The following NFKB1 variants were observed in gnomAD, a reference collection of about 807,000 sequenced individuals.
The protein encoded by NFKB1 is nuclear factor NF-kappa-B p105 subunit.
In NFKB1, 9 loss-of-function variants were observed where a neutral mutation model predicts 105.1. The observed-to-expected ratio is 0.09, with a 90% CI of 0.05 to 0.15. NFKB1 has a LOEUF of 0.15. Among genes scored for constraint, NFKB1 ranks in the 10% least tolerant of loss-of-function variants. The probability of loss-of-function intolerance (pLI) is 1.00; values close to 1 mark genes in which losing one functional copy is unlikely to be tolerated. For missense variants in NFKB1, 830 were observed against 1,203.7 expected (o/e 0.69, Z 4.59); for synonymous variants, 440 against 442.2 (o/e 1.00, Z 0.06).
At chr4:102,561,086 T>C (rs1723385796) in intron 5 of NFKB1, among the ~76,000 whole-genome samples, 1 of 152,208 alleles carries the variant, frequency 6.6e-6, no homozygotes, top group Non-Finnish European at 1.5e-5. Flanking sequence ...TTACTAAGCA[T>C]CTTTTTATGC....
intron 1 of NFKB1, among the ~76,000 whole-genome samples, chr4:102,520,920 C>T (rs543049439): frequency 4.6e-4 from 70 of 152,000 alleles, no homozygotes; most frequent in Non-Finnish European, 6.2e-4. Context: ...TTAAATTTTT[C>T]CTTTTTCCTA....
At position 102,607,255 on chromosome 4, in the gene NFKB1, G is replaced by T; in HGVS notation, c.2060G>T (p.Arg687Leu). 6.2e-7 allele frequency: 1 copy of T among 1,614,230 alleles called. No individual in the cohort carries two copies. The highest frequency in any genetic ancestry group is 1.1e-5 in the South Asian group (1 of 91,088). ...DVNAQEQKSG[R>L]TALHLAVEHD... Reference sequence around the variant, plus strand: ...AATGCTCAGGAGCAGAAGTCCGGGCGCACAGCACTGCACCTGGCTGTGGAG... The same window carrying T: ...AATGCTCAGGAGCAGAAGTCCGGGCTCACAGCACTGCACCTGGCTGTGGAG... Residue 687 changes from arginine to leucine, a missense_variant, in exon 18 of 24, where the codon CGC becomes CTC. Physicochemically the swap from Arg to Leu is moderately radical, Grantham distance 102. Transcript: ENST00000226574.
At chr4:102,532,508 A>G (rs947822505) in intron 3 of NFKB1, among the ~76,000 whole-genome samples, 5 of 152,134 alleles carry the variant, frequency 3.3e-5, no homozygotes, top group African/African-American at 1.2e-4. Context: ...AGGCGCCTGT[A>G]ATTCCAGCTC....
intron 1 of NFKB1, among the ~76,000 whole-genome samples, chr4:102,507,363 G>A (rs1739487924): frequency 6.6e-6 from 1 of 152,118 alleles, no homozygotes; most frequent in Non-Finnish European, 1.5e-5. Context: ...TAATCCTTAC[G>A]CTACTAGTAG....
intron 15 of NFKB1, among the ~76,000 whole-genome samples, chr4:102,599,369 T>C (rs1430005639): frequency 1.3e-5 from 2 of 152,218 alleles, no homozygotes; most frequent in South Asian, 2.1e-4. Context: ...TTTTTTAGGC[T>C]CTTCTGTGCC....
chr4:102,598,308 T>C (rs1222275326), intron 15 of NFKB1, among the ~76,000 whole-genome samples: 2 of 152,216 alleles, frequency 1.3e-5, no homozygotes, highest in Non-Finnish European at 2.9e-5. Context: ...AGTCCTTTCA[T>C]TGAGACTTCT....
intron 11 of NFKB1, among the ~76,000 whole-genome samples, chr4:102,592,563 T>C (rs1726260687): frequency 6.6e-6 from 1 of 152,220 alleles, no homozygotes; most frequent in African/African-American, 2.4e-5. Context: ...AATTAAGATA[T>C]GTACATTGCT....
At chr4:102,579,536 G>A (rs113089307) in intron 8 of NFKB1, among the ~76,000 whole-genome samples, 5 of 151,552 alleles carry the variant, frequency 3.3e-5, no homozygotes, top group African/African-American at 4.8e-5. Context: ...ATTTCAAGCC[G>A]GGTTTGGCGT....
At chr4:102,557,358 A>T (rs1185511134) in intron 5 of NFKB1, among the ~76,000 whole-genome samples, 1 of 152,236 alleles carries the variant, frequency 6.6e-6, no homozygotes, top group East Asian at 1.9e-4. Context: ...CAAGTAAAAA[A>T]GTTAAGTAAC....
In NFKB1 at chr4:102,577,038, A is replaced by G. The variant is rs780802592; in HGVS notation, c.570A>G (p.Gly190=). ...AAGGTGGAGGGGACCGGCAGCTGGG[A>G]GGTAAGCATCATTTTCCTGGCCTTG... is the stretch of plus-strand genomic sequence containing the variant. The part of the protein sequence containing the change: ...QAEGGGDRQL[G]DREKELIRQA... The change falls in exon 7 of 24, where the codon GGA becomes GGG. Residue 190 remains glycine (G), a splice_region_variant and synonymous_variant. Transcript: ENST00000226574. 6.2e-7 allele frequency: 1 copy of G among 1,607,974 alleles called. No homozygotes were observed. The highest frequency in any genetic ancestry group is 2.2e-5 in the East Asian group (1 of 44,844).
At chr4:102,613,602 C>T in intron 23 of NFKB1, 21 bp downstream of exon 23, 1 of 1,607,488 alleles carries the variant, frequency 6.2e-7, no homozygotes, top group South Asian at 1.1e-5. Flanking sequence ...AGACAAAAGA[C>T]AGTGGAGATA....
Position 102,580,497 on chromosome 4 carries a change from A to T in NFKB1, c.731-38A>T, listed in dbSNP as rs764635685. On this transcript the variant is annotated intron_variant, in intron 8 of 23. Transcript: ENST00000226574. Reference sequence around the variant, plus strand: ...AAAGGACTGGCTTGTTGAGCTGAGGATTAATCATGTTATTTGTTGTTTTTC... The same window carrying T: ...AAAGGACTGGCTTGTTGAGCTGAGGTTTAATCATGTTATTTGTTGTTTTTC... The T allele has an allele frequency of 3.7e-5, 58 of 1,560,698 alleles. 1 individual carries two copies. In the South Asian group the frequency reaches 6.0e-4, roughly 16 times the overall value.
At position 102,533,752 on chromosome 4, in the gene NFKB1, A is replaced by G. The variant is rs374392651; in HGVS notation, c.119-93A>G. The G allele has an allele frequency of 1.5e-5, 15 of 1,026,358 alleles. No homozygotes were observed. In the Admixed American group the frequency reaches 2.0e-4, roughly 14 times the overall value. 63.6% of individuals were successfully genotyped at this position (1,026,358 alleles called of 1,614,324 possible). ...TGATTTGAAATTTCTACATAAAAAC[A>G]TAATTTCAGTTTTTTACTTGCTTTA... On this transcript the variant is annotated intron_variant, in intron 3 of 23. Coordinates refer to ENST00000226574, the MANE Select transcript of NFKB1 (RefSeq NM_003998.4).
At chr4:102,584,649 C>T in intron 10 of NFKB1, 33 bp from the exon 11 acceptor site, 3 of 1,554,644 alleles carry the variant, frequency 1.9e-6, no homozygotes, top group Non-Finnish European at 2.6e-6. Flanking sequence ...AAATGTAGTC[C>T]TACACCAACA....
chr4:102,596,367 G>T, intron 14 of NFKB1, 35 bp downstream of exon 14: 2 of 1,556,114 alleles, frequency 1.3e-6, no homozygotes, highest in Admixed American at 1.8e-5. Context: ...CTGTTGGTTG[G>T]CTGGGGAGGG....
chr4:102,603,755 A>C (rs997453837), intron 16 of NFKB1, among the ~76,000 whole-genome samples: 5 of 152,224 alleles, frequency 3.3e-5, no homozygotes, highest in African/African-American at 4.8e-5. Flanking sequence ...ACAGTTAAGC[A>C]TTCTTCCCAA....
rs78130855 is a variant in NFKB1, at chr4:102,585,048, A to ATT, written c.1066+242_1066+243dup. Among the ~76,000 whole-genome samples the ATT allele has an allele frequency of 7.7e-4, 111 of 143,676 alleles. 1 individual carries two copies. The highest frequency in any genetic ancestry group is 2.5e-3 in the African/African-American group (99 of 39,198). The allele number at this position is 143,676 out of a possible 152,430, so 94.3% of individuals were successfully genotyped here. ...AGGTGTGCGCCACCATGCCGGGCTAATTTTTTTTTTTTTTTACTTTTAATA... is the reference window on the plus strand; with the variant it reads ...AGGTGTGCGCCACCATGCCGGGCTAATTTTTTTTTTTTTTTTTACTTTTAATA... On this transcript the variant is annotated intron_variant, in intron 11 of 23. Coordinates refer to ENST00000226574, the MANE Select transcript of NFKB1 (RefSeq NM_003998.4).
chr4:102,562,409 T>A (rs1723517433), intron 5 of NFKB1, among the ~76,000 whole-genome samples: 1 of 152,234 alleles, frequency 6.6e-6, no homozygotes, highest in Non-Finnish European at 1.5e-5. Flanking sequence ...GAACAGAGAT[T>A]GTGTCTGTTC....
intron 16 of NFKB1, among the ~76,000 whole-genome samples, chr4:102,605,294 A>G (rs969910398): frequency 3.3e-5 from 5 of 152,176 alleles, no homozygotes; most frequent in African/African-American, 4.8e-5. Context: ...GCAAAAAAAA[A>G]GGGTCTTGTA....
Sources: allele counts gnomAD v4.1 joint callset (sites outside exome capture counted in the v4.1 genomes callset), GRCh38; gene constraint gnomAD v4.1.1; transcripts MANE v1.5; gene names NCBI Gene and HGNC (gene_info 2026-07-23, HGNC 2026-07-21).